The following NUP35 variants were observed in gnomAD, a reference collection of about 807,000 sequenced individuals.
NUP35 encodes nucleoporin NUP35.
A neutral mutation model predicts 41.5 loss-of-function variants in NUP35; 25 were observed. The observed-to-expected ratio is 0.60, with a 90% CI of 0.44 to 0.84. The LOEUF is 0.84. NUP35 is among the 40% of genes least tolerant of loss of function. The pLI, the probability that NUP35 is intolerant of heterozygous loss-of-function variation, is 0.00. For synonymous variants in NUP35, 149 were observed against 130.7 expected (o/e 1.14, Z -0.96); for missense variants, 396 against 396.6 (o/e 1.00, Z 0.01).
At chr2:183,123,021 A>G (rs1294877618), upstream of NUP35, among the ~76,000 whole-genome samples, 1 of 152,222 alleles carries the variant, frequency 6.6e-6, no homozygotes, top group Non-Finnish European at 1.5e-5. Context: ...ATGTGATGGC[A>G]GAAGCTGAAC....
chr2:183,161,215 C>G lies in NUP35; in HGVS notation c.*84C>G. ...CCTTCGGTTAGTTATATAACTGTTCCTGCAGTATTGGATAGCTATCTCATA... is the reference window on the plus strand; with the variant it reads ...CCTTCGGTTAGTTATATAACTGTTCGTGCAGTATTGGATAGCTATCTCATA... On this transcript the variant is annotated 3_prime_UTR_variant, in exon 9 of 9. Coordinates refer to ENST00000295119, the MANE Select transcript of NUP35 (RefSeq NM_138285.5). 2.2e-6 allele frequency: 2 copies of G among 909,070 alleles called. No individual in the cohort carries two copies. The highest frequency in any genetic ancestry group is 2.6e-5 in the East Asian group (1 of 39,192). 56.3% of individuals were successfully genotyped at this position (909,070 alleles called of 1,614,324 possible).
Position 183,157,525 on chromosome 2 carries a change from T to A in NUP35, c.609+12T>A, listed in dbSNP as rs772413779. On this transcript the variant is annotated intron_variant, in intron 6 of 8. Coordinates refer to ENST00000295119, the MANE Select transcript of NUP35 (RefSeq NM_138285.5). ...TCTTAAAACATGTGGTAAGGCTTAATTTTTTTCAGTTCAGAGTTTTGACTA... is the reference window on the plus strand; with the variant it reads ...TCTTAAAACATGTGGTAAGGCTTAAATTTTTTCAGTTCAGAGTTTTGACTA... 3 of 1,563,300 alleles carry A rather than the reference T, an allele frequency of 1.9e-6. No individual in the cohort carries two copies. Among genetic ancestry groups the A allele is most frequent in the Admixed American group, 3.4e-5 (2 of 59,640 alleles).
At position 183,126,984 on chromosome 2, in the gene NUP35, G is replaced by GT. The variant is rs770244327; in HGVS notation, c.41-1303_41-1302insT. ...GTATTTATTGAGCACCTGTGTATCA[G>GT]GTACCAGGTCAAGCTATACTTGCTA... On this transcript the variant is annotated intron_variant, in intron 1 of 8. Transcript: ENST00000295119. Among the ~76,000 whole-genome samples the GT allele has an allele frequency of 2.0e-3, 299 of 152,192 alleles. 2 individuals carry two copies. The highest frequency in any genetic ancestry group is 3.7e-3 in the South Asian group (18 of 4,824).
intron 4 of NUP35, among the ~76,000 whole-genome samples, 157 bp from the exon 5 acceptor site, chr2:183,151,351 G>A (rs1685462974): frequency 6.6e-6 from 1 of 152,190 alleles, no homozygotes; most frequent in African/African-American, 2.4e-5. Flanking sequence ...TAATTGTATG[G>A]TAGCATGAAA....
chr2:183,155,541 C>A (rs573225897), intron 5 of NUP35, among the ~76,000 whole-genome samples: 1 of 147,304 alleles, frequency 6.8e-6, no homozygotes, highest in Non-Finnish European at 1.5e-5. Flanking sequence ...TCTTCTTCTT[C>A]TTTTACATTT....
intron 5 of NUP35, among the ~76,000 whole-genome samples, chr2:183,153,593 TC>T (rs1685543374): frequency 1.3e-5 from 2 of 152,284 alleles, no homozygotes; most frequent in Non-Finnish European, 2.9e-5. Context: ...TGGTCTCACA[TC>T]CAGGTCACGC....
chr2:183,121,333 ACTT>A (rs749379357), upstream of NUP35, among the ~76,000 whole-genome samples: 23 of 152,236 alleles, frequency 1.5e-4, no homozygotes, highest in Non-Finnish European at 3.1e-4. Context: ...ATCTATAGAC[ACTT>A]CTTTTGAGAT....
At chr2:183,130,915 AT>A in intron 3 of NUP35, 1 of 1,060,744 alleles carries the variant, frequency 9.4e-7, no homozygotes, top group Non-Finnish European at 1.2e-6. Context: ...ACAAATGAAA[AT>A]TTAGAGTTTC....
intron 2 of NUP35, among the ~76,000 whole-genome samples, chr2:183,129,932 A>G (rs1366689137): frequency 6.6e-6 from 1 of 152,168 alleles, no homozygotes; most frequent in East Asian, 1.9e-4. Flanking sequence ...ATATATTTCT[A>G]CTGTGAGAAA....
At chr2:183,140,772 G>A (rs890077008) in intron 4 of NUP35, among the ~76,000 whole-genome samples, 4 of 146,228 alleles carry the variant, frequency 2.7e-5, no homozygotes, top group East Asian at 2.0e-4. Context: ...GCAGTGAGCC[G>A]AGATCGCACC....
At chr2:183,145,635 T>A (rs1685253412) in intron 4 of NUP35, among the ~76,000 whole-genome samples, 2 of 152,230 alleles carry the variant, frequency 1.3e-5, no homozygotes, top group African/African-American at 4.8e-5. Flanking sequence ...TAATAAATAT[T>A]ACTTAGTTAT....
At position 183,133,611 on chromosome 2, in the gene NUP35, A is replaced by G. The variant is rs768898062; in HGVS notation, c.385A>G (p.Thr129Ala). The G allele has an allele frequency of 1.9e-6, 3 of 1,576,184 alleles. No homozygotes were observed. The highest frequency in any genetic ancestry group is 4.6e-5 in the East Asian group (2 of 43,628). Residue 129 changes from threonine (T) to alanine (A), a missense_variant, in exon 4 of 9, where the codon ACT becomes GCT. Thr to Ala is a moderately conservative substitution (Grantham distance 58). Coordinates refer to ENST00000295119, the MANE Select transcript of NUP35 (RefSeq NM_138285.5). Reference protein sequence around the residue: ...MQSPLVGVTSTPGTGQSMFSP... With the variant: ...MQSPLVGVTSAPGTGQSMFSP... ...GAGTCCTCTTGTTGGAGTTACATCT[A>G]CTCCTGGAACAGGTAAGTGATTCTT...
At chr2:183,132,576 C>G (rs1684736641) in intron 3 of NUP35, among the ~76,000 whole-genome samples, 1 of 151,924 alleles carries the variant, frequency 6.6e-6, no homozygotes, top group South Asian at 2.1e-4. Context: ...ATAATAAAAA[C>G]TAAAAAATTA....
intron 4 of NUP35, among the ~76,000 whole-genome samples, chr2:183,144,433 T>C (rs1685206966): frequency 1.3e-5 from 2 of 152,238 alleles, no homozygotes; most frequent in Non-Finnish European, 2.9e-5. Flanking sequence ...GATAAGAAGT[T>C]AACACCGCCA....
At chr2:183,123,059 C>T (rs1575108974), upstream of NUP35, among the ~76,000 whole-genome samples, 1 of 152,184 alleles carries the variant, frequency 6.6e-6, no homozygotes, top group East Asian at 1.9e-4. Flanking sequence ...ACCAAAGATG[C>T]TACATCGTTG....
intron 4 of NUP35, among the ~76,000 whole-genome samples, chr2:183,150,066 C>G (rs1685411100): frequency 6.6e-6 from 1 of 152,086 alleles, no homozygotes; most frequent in South Asian, 2.1e-4. Context: ...ACCACCACAC[C>G]TGGCTAATTT....
chr2:183,155,670 C>A (rs1685637562), intron 5 of NUP35, among the ~76,000 whole-genome samples: 1 of 151,126 alleles, frequency 6.6e-6, no homozygotes, highest in African/African-American at 2.4e-5. Context: ...TTCCTGGCCT[C>A]AAGCAATCCT....
chr2:183,158,262 A>G, intron 6 of NUP35, 21 bp from the exon 7 acceptor site: 1 of 1,468,082 alleles, frequency 6.8e-7, no homozygotes, highest in Non-Finnish European at 9.2e-7. Context: ...CTATTTTAAG[A>G]GACAGTTTTA....
chr2:183,125,338 A>G (rs1398070055), intron 1 of NUP35, among the ~76,000 whole-genome samples: 1 of 151,914 alleles, frequency 6.6e-6, no homozygotes, highest in African/African-American at 2.4e-5. Context: ...AACGGAAAAT[A>G]AACCGTCTTA....
Sources: allele counts gnomAD v4.1 joint callset (sites outside exome capture counted in the v4.1 genomes callset), GRCh38; gene constraint gnomAD v4.1.1; transcripts MANE v1.5; gene names NCBI Gene and HGNC (gene_info 2026-07-23, HGNC 2026-07-21).